ABCG5: variants seen among roughly 807,000 people sequenced by gnomAD.
The protein encoded by ABCG5 is ATP-binding cassette sub-family G member 5.
Under a neutral mutation model 64.5 loss-of-function variants are expected in ABCG5, and 64 were observed. The ratio of observed to expected loss-of-function variants is 0.99; its 90% CI spans 0.81 to 1.22. ABCG5 has a LOEUF of 1.22. Among genes scored for constraint, ABCG5 ranks in the 50% most tolerant of loss-of-function variants. The pLI is 0.00. For missense variants in ABCG5, 908 were observed against 829.5 expected, an observed-to-expected ratio of 1.09 and a Z score of -1.16; for synonymous variants, 385 against 326.3, an observed-to-expected ratio of 1.18 and a Z score of -1.94.
intron 11 of ABCG5, among the ~76,000 whole-genome samples, chr2:43,815,910 GAA>G (rs4148200): frequency 3.8e-5 from 4 of 104,064 alleles, no homozygotes; most frequent in Non-Finnish European, 4.2e-5. Context: ...AACAGGAAAA[GAA>G]AAAAAAAAAA....
At chr2:43,809,910 C>T, downstream of ABCG5, 2 of 1,414,982 alleles carry the variant, frequency 1.4e-6, no homozygotes, top group Admixed American at 3.2e-5. Flanking sequence ...TGGACTAGTG[C>T]ATCTCCCTGT....
At position 43,838,167 on chromosome 2, in the gene ABCG5, C is replaced by T; in HGVS notation, c.144-212G>A. ...AGGGAGGGGGCCTGTGCTGGAGTTG[C>T]TCTGAATGTCCTGTCCGTTTGGCTG... is the stretch of plus-strand genomic sequence containing the variant. On this transcript the variant is annotated intron_variant, in intron 1 of 12. Coordinates refer to ENST00000405322, the MANE Select transcript of ABCG5 (RefSeq NM_022436.3). The surrounding 1 kb of genome is among the most constrained non-coding windows in gnomAD (Gnocchi z 4.2). 1.6e-6 allele frequency: 1 copy of T among 642,434 alleles called. No individual in the cohort carries two copies. Among genetic ancestry groups the T allele is most frequent in the East Asian group, 2.8e-5 (1 of 35,564 alleles). 39.8% of individuals were successfully genotyped at this position (642,434 alleles called of 1,614,324 possible). A position where few individuals can be genotyped will look rare whatever the true frequency, so the allele number is the denominator to read the frequency against.
In ABCG5 at chr2:43,819,995, G is replaced by C. The variant is rs376969021; in HGVS notation, c.1569C>G (p.Ile523Met). The C allele has an allele frequency of 6.2e-7, 1 of 1,614,132 alleles. No individual in the cohort carries two copies. Among genetic ancestry groups the C allele is most frequent in the Admixed American group, 1.7e-5 (1 of 60,022 alleles). ...GEFLTLVLLG[I>M]VQNPNIVNSV... ...TGTTGACTATATTTGGATTTTGGACGATACCAAGTAGCACAAGAGTTAGAA... is the reference window on the plus strand; with the variant it reads ...TGTTGACTATATTTGGATTTTGGACCATACCAAGTAGCACAAGAGTTAGAA... Residue 523 changes from isoleucine (I) to methionine (M), a missense_variant, in exon 11 of 13, where the codon ATC (isoleucine) becomes ATG (methionine). Physicochemically the swap from Ile to Met is conservative, Grantham distance 10. Transcript: ENST00000405322.
chr2:43,825,160 GCA>G (rs1468837904), intron 6 of ABCG5, 142 bp from the exon 7 acceptor site: 1 of 1,008,052 alleles, frequency 9.9e-7, no homozygotes, highest in African/African-American at 1.6e-5. Context: ...TTTCCCATAA[GCA>G]GTCAGTCCTT....
In ABCG5 at chr2:43,823,956, C is replaced by A; in HGVS notation, c.1281G>T (p.Val427=). The A allele has an allele frequency of 1.9e-6, 3 of 1,614,200 alleles. No individual in the cohort carries two copies. Among genetic ancestry groups the A allele is most frequent in the Non-Finnish European group, 2.5e-6 (3 of 1,180,044 alleles). ...GCATGCCTGTGTACGGGGTGGCGCC[C>A]ACAAACTGGTAAAGGAGACCTACGC... ...QDRVGLLYQF[V]GATPYTGMLN... is the part of the protein sequence containing the mutation. The change falls in exon 9 of 13, where the codon GTG becomes GTT. Residue 427 remains valine (V), a synonymous_variant. Coordinates refer to ENST00000405322, the MANE Select transcript of ABCG5 (RefSeq NM_022436.3).
At position 43,826,509 on chromosome 2, in the gene ABCG5, A is replaced by G. The variant is rs558045709; in HGVS notation, c.647T>C (p.Phe216Ser). Reference protein sequence around the residue: ...QLLQDPKVMLFDEPTTGLDCM... With the variant: ...QLLQDPKVMLSDEPTTGLDCM... ...GTCCAGGCCTGTGGTTGGCTCATCA[A>G]ACAGCATGACCTCTGCCAGCAAAGA... is the stretch of plus-strand genomic sequence containing the variant. Residue 216 changes from phenylalanine (F) to serine (S), a missense_variant, in exon 6 of 13, where the codon TTT becomes TCT. Transcript: ENST00000405322. 6.2e-7 allele frequency: 1 copy of G among 1,614,222 alleles called. No homozygotes were observed. Among genetic ancestry groups the G allele is most frequent in the South Asian group, 1.1e-5 (1 of 91,084 alleles).
downstream of ABCG5, chr2:43,809,929 A>C: frequency 7.4e-7 from 1 of 1,355,522 alleles, no homozygotes; most frequent in Non-Finnish European, 9.5e-7. Flanking sequence ...GTATATCTTG[A>C]AGCTTTTTAA....
chr2:43,832,361 T>C (rs1668003399), intron 2 of ABCG5: 2 of 570,676 alleles, frequency 3.5e-6, no homozygotes, highest in African/African-American at 1.9e-5. Context: ...ACGTGCTTTC[T>C]CTGCTTGTTT....
Position 43,814,526 on chromosome 2 carries a change from G to A in ABCG5, c.1713C>T (p.Cys571=). Residue 571 remains cysteine (C), a synonymous_variant, in exon 12 of 13, where the codon TGC becomes TGT. Coordinates refer to ENST00000405322, the MANE Select transcript of ABCG5 (RefSeq NM_022436.3). ...IISYFTFQKY[C]SEILVVNEFY... ...ACTCATTGACTACAAGAATCTCACT[G>A]CAATATTTTTGGAATGTAAAATAAC... is the stretch of plus-strand genomic sequence containing the variant. The A allele has an allele frequency of 6.2e-7, 1 of 1,609,492 alleles. No homozygotes were observed. Among genetic ancestry groups the A allele is most frequent in the Non-Finnish European group, 8.5e-7 (1 of 1,176,254 alleles).
intron 5 of ABCG5, 48 bp downstream of exon 5, chr2:43,827,935 C>G: frequency 6.2e-7 from 1 of 1,611,450 alleles, no homozygotes; most frequent in Non-Finnish European, 8.5e-7. Flanking sequence ...TGCACACACA[C>G]AGAAGATGCC....
Position 43,838,722 on chromosome 2 carries a change from A to G in ABCG5, c.-43T>C. On this transcript the variant is annotated 5_prime_UTR_variant, in exon 1 of 13. Transcript: ENST00000405322. This position sits in a 1 kb window ranked among gnomAD's most constrained non-coding sequence, Gnocchi z 4.2. ...GCTGGGCAAATTTTCTGGTGGCCGG[A>G]CCCTCCCCAGAGTGGCTTCAGTTGG... 6.2e-7 allele frequency: 1 copy of G among 1,606,240 alleles called. No individual in the cohort carries two copies.
At chr2:43,826,343 C>G (rs1160250402) in intron 6 of ABCG5, 39 bp downstream of exon 6, 6 of 1,613,050 alleles carry the variant, frequency 3.7e-6, no homozygotes, top group Non-Finnish European at 5.1e-6. Flanking sequence ...CCCAGCTCAA[C>G]ACACCATAGA....
chr2:43,832,144 C>T (rs1572791113), intron 2 of ABCG5, 61 bp from the exon 3 acceptor site: 2 of 1,551,726 alleles, frequency 1.3e-6, no homozygotes, highest in Non-Finnish European at 1.7e-6. Flanking sequence ...GGAGGAGCTT[C>T]CCGAGACCCT....
At position 43,838,000 on chromosome 2, in the gene ABCG5, G is replaced by T. The variant is rs150317403; in HGVS notation, c.144-45C>A. ...AAGGCAAAGGCAGCTTGGGGCCCTG[G>T]AAGGGGCCACACCCAGGTCCCCAGC... On this transcript the variant is annotated intron_variant, in intron 1 of 12. Transcript: ENST00000405322. 6.1e-3 allele frequency: 9,825 copies of T among 1,612,494 alleles called. 34 individuals carry two copies. Among genetic ancestry groups the T allele is most frequent in the Non-Finnish European group, 7.7e-3 (9,117 of 1,179,100 alleles).
At chr2:43,821,340 G>A (rs906257351) in intron 10 of ABCG5, among the ~76,000 whole-genome samples, 26 of 152,138 alleles carry the variant, frequency 1.7e-4, no homozygotes, top group African/African-American at 5.8e-4. Context: ...CCTTCTTGAT[G>A]AGCCATCCAC....
In ABCG5 at chr2:43,838,171, G is replaced by A. The variant is rs908112201; in HGVS notation, c.144-216C>T. On this transcript the variant is annotated intron_variant, in intron 1 of 12. Transcript: ENST00000405322. This position sits in a 1 kb window ranked among gnomAD's most constrained non-coding sequence, Gnocchi z 4.2. ...AGGGGGCCTGTGCTGGAGTTGCTCTGAATGTCCTGTCCGTTTGGCTGCGAG... is the reference window on the plus strand; with the variant it reads ...AGGGGGCCTGTGCTGGAGTTGCTCTAAATGTCCTGTCCGTTTGGCTGCGAG... 1.6e-6 allele frequency: 1 copy of A among 635,328 alleles called. No individual in the cohort carries two copies. The highest frequency in any genetic ancestry group is 2.9e-5 in the Admixed American group (1 of 34,828). The allele number at this position is 635,328 out of a possible 1,614,324, so 39.4% of individuals were successfully genotyped here.
At chr2:43,828,359 G>A (rs1667749904) in intron 4 of ABCG5, 1 of 534,174 alleles carries the variant, frequency 1.9e-6, no homozygotes, top group Non-Finnish European at 3.3e-6. Context: ...CCAGAGGCTG[G>A]GTGCAGTGGC....
At chr2:43,813,721 T>TTTG (rs1666631858) in intron 12 of ABCG5, among the ~76,000 whole-genome samples, 1 of 128,314 alleles carries the variant, frequency 7.8e-6, no homozygotes. Flanking sequence ...TTTTTTTTTT[T>TTTG]TTTTTTTTTT....
At position 43,824,134 on chromosome 2, in the gene ABCG5, C is replaced by A. The variant is rs377341527; in HGVS notation, c.1119-16G>T. Reference sequence around the variant, plus strand: ...TGTCACTCTCCTGAAAACAAACAACCCTGTTTTAATTCCTTTTCAGAATTG... The same window carrying A: ...TGTCACTCTCCTGAAAACAAACAACACTGTTTTAATTCCTTTTCAGAATTG... On this transcript the variant is annotated splice_polypyrimidine_tract_variant and intron_variant, in intron 8 of 12. Transcript: ENST00000405322. 1.9e-6 allele frequency: 3 copies of A among 1,614,150 alleles called. No homozygotes were observed. Among genetic ancestry groups the A allele is most frequent in the Admixed American group, 3.3e-5 (2 of 60,020 alleles).
Sources: gnomAD v4.1 joint callset for allele counts (sites outside exome capture counted in the v4.1 genomes callset) on GRCh38, gnomAD v4.1.1 for gene constraint, Gnocchi (gnomAD v3.1) non-coding constraint, MANE v1.5 for transcripts, NCBI Gene and HGNC (gene_info 2026-07-23, HGNC 2026-07-21) for gene names.